The following STRN variants were observed in gnomAD, a reference collection of about 807,000 sequenced individuals.
The protein encoded by STRN is protein phosphatase 2 regulatory subunit B'''alpha.
STRN carries 53 observed loss-of-function variants against 96.3 expected under a neutral mutation model. The observed-to-expected ratio is 0.55, with a 90% CI of 0.44 to 0.69. STRN has a LOEUF of 0.69. STRN is among the 30% of genes least tolerant of loss of function. The pLI, the probability that STRN is intolerant of heterozygous loss-of-function variation, is 0.00. For missense variants in STRN, 987 were observed against 963.9 expected (o/e 1.02, Z -0.32); for synonymous variants, 428 against 355.9 (o/e 1.20, Z -2.28).
chr2:36,906,330 G>T (rs934420246), intron 3 of STRN, among the ~76,000 whole-genome samples: 1 of 151,892 alleles, frequency 6.6e-6, no homozygotes, highest in Non-Finnish European at 1.5e-5. Flanking sequence ...ATAGTGGCAC[G>T]CAGCTGTGGT....
At chr2:36,924,355 C>CA (rs143310395) in intron 2 of STRN, among the ~76,000 whole-genome samples, 11,005 of 103,234 alleles carry the variant, frequency 0.11, 1,466 homozygotes, top group African/African-American at 0.29. Context: ...GACTCCGTTT[C>CA]AAAAAAAAAA....
intron 1 of STRN, among the ~76,000 whole-genome samples, chr2:36,941,551 A>C (rs930357682): frequency 1.3e-5 from 2 of 151,664 alleles, no homozygotes; most frequent in African/African-American, 4.8e-5. Flanking sequence ...TTCTTATGTA[A>C]ACTTTTTTTT....
chr2:36,883,897 TG>T, intron 9 of STRN, 34 bp downstream of exon 9: 1 of 1,316,630 alleles, frequency 7.6e-7, no homozygotes, highest in Non-Finnish European at 9.8e-7. Context: ...TACATCCAAG[TG>T]CATTTTGTGC....
chr2:36,937,825 C>T (rs13398577), intron 1 of STRN, among the ~76,000 whole-genome samples: 4,225 of 151,970 alleles, frequency 0.028, 86 homozygotes, highest in African/African-American at 0.064. Flanking sequence ...AGGCTATGAC[C>T]AGAGTGATTA....
chr2:36,965,336 A>C (rs1665132231), intron 1 of STRN, among the ~76,000 whole-genome samples: 1 of 152,194 alleles, frequency 6.6e-6, no homozygotes, highest in South Asian at 2.1e-4. Context: ...AAACCTATTC[A>C]CCAATTCTGA....
rs1250699872 is a variant in STRN at position 36,848,635 on chromosome 2, G to C, written c.*821C>G. 1.3e-5 allele frequency: 2 copies of C among 152,116 alleles called. No individual in the cohort carries two copies. The highest frequency in any genetic ancestry group is 4.8e-5 in the African/African-American group (2 of 41,428). The allele number at this position is 152,116 out of a possible 1,614,324, so 9.4% of individuals were successfully genotyped here. The stretch of plus-strand genomic sequence containing the variant: ...GAATTTTAAAATAGAAATTATTAAA[G>C]AGATATGCCCTGTTTACCCTTAAAA... On this transcript the variant is annotated 3_prime_UTR_variant, in exon 18 of 18. Coordinates refer to ENST00000263918, the MANE Select transcript of STRN (RefSeq NM_003162.4).
intron 6 of STRN, among the ~76,000 whole-genome samples, chr2:36,895,868 G>T (rs1374381047): frequency 1.3e-5 from 2 of 152,004 alleles, no homozygotes; most frequent in African/African-American, 4.8e-5. Context: ...AGCTTGCAGT[G>T]AGCTGACATC....
intron 1 of STRN, among the ~76,000 whole-genome samples, chr2:36,948,705 T>C (rs1321926138): frequency 6.6e-6 from 1 of 152,152 alleles, no homozygotes; most frequent in African/African-American, 2.4e-5. Flanking sequence ...AACAGATTTA[T>C]AAGAAGCAAG....
In STRN at chr2:36,861,251, C is replaced by T. The variant is rs1459237661; in HGVS notation, c.1550G>A (p.Gly517Asp). 1 of 1,610,528 alleles carries T rather than the reference C, an allele frequency of 6.2e-7. No homozygotes were observed. Among genetic ancestry groups the T allele is most frequent in the Non-Finnish European group, 8.5e-7 (1 of 1,179,150 alleles). The part of the protein sequence containing the change: ...EPIYTFRAHK[G>D]PVLCVVMSSN... ...GCTCATTACCACACAAAGCACTGGA[C>T]CTCTGGGAGATTAAAAAAAATAAAT... The change falls in exon 13 of 18, where the codon GGT becomes GAT. Residue 517 changes from glycine to aspartate, a missense_variant and splice_region_variant. Physicochemically the swap from Gly to Asp is moderately conservative, Grantham distance 94 (BLOSUM62 -1). Coordinates refer to ENST00000263918, the MANE Select transcript of STRN (RefSeq NM_003162.4).
intron 8 of STRN, among the ~76,000 whole-genome samples, chr2:36,885,201 C>T (rs575841355): frequency 6.6e-6 from 1 of 152,250 alleles, no homozygotes; most frequent in South Asian, 2.1e-4. Flanking sequence ...TGATATTTGA[C>T]AAGAACTGAA....
At position 36,884,094 on chromosome 2, in the gene STRN, G is replaced by T; in HGVS notation, c.1043-19C>A. On this transcript the variant is annotated intron_variant, in intron 8 of 17. Transcript: ENST00000263918. ...TTGGGCCCTAGCCAAAAAAAGGGGG[G>T]GTGGGAGGAGATAAAAAAGAGAAAA... 2 of 1,318,298 alleles carry T rather than the reference G, an allele frequency of 1.5e-6. No homozygotes were observed. The highest frequency in any genetic ancestry group is 2.0e-6 in the Non-Finnish European group (2 of 1,024,380). The allele number at this position is 1,318,298 out of a possible 1,614,324, so 81.7% of individuals were successfully genotyped here.
chr2:36,880,088 C>T (rs1020244251), intron 9 of STRN, among the ~76,000 whole-genome samples: 4 of 152,174 alleles, frequency 2.6e-5, no homozygotes, highest in African/African-American at 9.7e-5. Context: ...CTGTCTCAGC[C>T]TCCCAAGTAG....
At chr2:36,948,248 T>G (rs937070879) in intron 1 of STRN, among the ~76,000 whole-genome samples, 1 of 151,684 alleles carries the variant, frequency 6.6e-6, no homozygotes, top group African/African-American at 2.4e-5. Context: ...ATTACAGGCA[T>G]GTGCCACCAC....
chr2:36,894,875 T>C (rs1248089323), intron 6 of STRN, among the ~76,000 whole-genome samples: 2 of 152,140 alleles, frequency 1.3e-5, no homozygotes, highest in Non-Finnish European at 2.9e-5. Flanking sequence ...ATGCTGTTAA[T>C]TGGTATCATT....
intron 5 of STRN, among the ~76,000 whole-genome samples, chr2:36,899,876 G>A (rs1024904341): frequency 1.3e-5 from 2 of 151,862 alleles, no homozygotes; most frequent in Non-Finnish European, 2.9e-5. Flanking sequence ...CTATCTACTT[G>A]CCTGCCTACC....
intron 12 of STRN, among the ~76,000 whole-genome samples, chr2:36,863,218 T>C (rs1045028910): frequency 6.6e-6 from 1 of 152,168 alleles, no homozygotes; most frequent in Non-Finnish European, 1.5e-5. Context: ...ATTGTTGCAA[T>C]TGCTTTTGGT....
At chr2:36,966,105 T>G (rs1572707381) in intron 1 of STRN, 125 bp downstream of exon 1, 4 of 1,006,610 alleles carry the variant, frequency 4.0e-6, no homozygotes, top group Non-Finnish European at 3.7e-6. Flanking sequence ...GGGCTCCGGG[T>G]GGGATGGGCG....
At chr2:36,858,969 A>T (rs1668414798) in intron 13 of STRN, among the ~76,000 whole-genome samples, 2 of 152,210 alleles carry the variant, frequency 1.3e-5, no homozygotes, top group South Asian at 4.1e-4. Context: ...GTTGAAGAAG[A>T]GGGGGAGAAC....
intron 12 of STRN, among the ~76,000 whole-genome samples, chr2:36,863,033 T>C (rs1219918681): frequency 1.3e-5 from 2 of 152,198 alleles, no homozygotes; most frequent in African/African-American, 4.8e-5. Context: ...TGCTTTTAGC[T>C]TGTTAATTTG....
Sources: allele counts gnomAD v4.1 joint callset (sites outside exome capture counted in the v4.1 genomes callset), GRCh38; gene constraint gnomAD v4.1.1; transcripts MANE v1.5; gene names NCBI Gene and HGNC (gene_info 2026-07-23, HGNC 2026-07-21).